DNAH9: variants seen among roughly 807,000 people sequenced by gnomAD.
The protein encoded by DNAH9 is DNAH9 variant protein.
Under a neutral mutation model 471.6 loss-of-function variants are expected in DNAH9, and 345 were observed. That is an observed-to-expected ratio of 0.73 (90% CI 0.67 to 0.80). The LOEUF is 0.80. DNAH9 is among the 30% of genes least tolerant of loss of function. The pLI, the probability that DNAH9 is intolerant of heterozygous loss-of-function variation, is 0.00. For synonymous variants in DNAH9, 2,093 were observed against 2,123.6 expected (o/e 0.99, Z 0.40); for missense variants, 5,407 against 5,609.2 (o/e 0.96, Z 1.15).
intron 62 of DNAH9, chr17:11,925,089 C>T: frequency 2.4e-6 from 1 of 423,982 alleles, no homozygotes; most frequent in Non-Finnish European, 4.7e-6. Context: ...ATTTTGAAAT[C>T]TTCTATTAGA....
At chr17:11,741,919 AGC>A (rs1219953898) in intron 29 of DNAH9, among the ~76,000 whole-genome samples, 37 of 152,202 alleles carry the variant, frequency 2.4e-4, no homozygotes, top group African/African-American at 8.7e-4. Context: ...AACATTATCC[AGC>A]CCCTTAAGAA....
intron 26 of DNAH9, among the ~76,000 whole-genome samples, chr17:11,714,845 G>T (rs1474791134): frequency 6.6e-6 from 1 of 152,062 alleles, no homozygotes; most frequent in African/African-American, 2.4e-5. Context: ...TGGCCAACAG[G>T]GACCTCAGAA....
chr17:11,799,641 C>T (rs1247747785), intron 43 of DNAH9, among the ~76,000 whole-genome samples: 1 of 152,130 alleles, frequency 6.6e-6, no homozygotes, highest in Non-Finnish European at 1.5e-5. Context: ...GGCTGAAGTG[C>T]AGTGGTGCGA....
chr17:11,808,119 C>G (rs1044229664), intron 44 of DNAH9, among the ~76,000 whole-genome samples: 1 of 152,208 alleles, frequency 6.6e-6, no homozygotes, highest in Admixed American at 6.5e-5. Context: ...CTCAGGCGTC[C>G]TAGTTACGTC....
chr17:11,883,214 A>G (rs1972783977), intron 55 of DNAH9: 2 of 1,001,618 alleles, frequency 2.0e-6, no homozygotes, highest in Non-Finnish European at 2.4e-6. Flanking sequence ...AATTGGTAAT[A>G]GAGAGAACTC....
In DNAH9 at chr17:11,598,529, G is replaced by A. The variant is rs2072306663; in HGVS notation, c.31G>A (p.Ala11Thr). The change falls in exon 1 of 69, where the codon GCG (alanine) becomes ACG (threonine). Residue 11 changes from alanine to threonine, a missense_variant. Physicochemically the swap from Ala to Thr is moderately conservative, Grantham distance 58. Coordinates refer to ENST00000262442, the MANE Select transcript of DNAH9 (RefSeq NM_001372.4). ...GCTCGCGGAGGAGCGGGCCGCGCTC[G>A]CGGCGGAGAACGCGGATGGGGAACC... MRLAEERAALAAENADGEPGA... is the reference protein window; with the variant it reads MRLAEERAALTAENADGEPGA... 7.4e-7 allele frequency: 1 copy of A among 1,344,820 alleles called. No individual in the cohort carries two copies. The highest frequency in any genetic ancestry group is 9.6e-7 in the Non-Finnish European group (1 of 1,039,874). 83.3% of individuals were successfully genotyped at this position (1,344,820 alleles called of 1,614,324 possible).
Position 11,859,145 on chromosome 17 carries a change from G to A in DNAH9, c.9933+4717G>A, listed in dbSNP as rs146041275. 8.7e-4 allele frequency among the ~76,000 whole-genome samples: 131 copies of A among 150,596 alleles called. 1 individual carries two copies. In the Middle Eastern group the frequency reaches 0.01, roughly 12 times the overall value. On this transcript the variant is annotated intron_variant, in intron 50 of 68. Coordinates refer to ENST00000262442, the MANE Select transcript of DNAH9 (RefSeq NM_001372.4). ...ACTGCAGTTACAGCCAGGCATGGTG[G>A]CTCACACCTGTAATCCCAACATTTT...
chr17:11,749,139 C>T (rs1967043918), intron 32 of DNAH9, among the ~76,000 whole-genome samples: 1 of 131,162 alleles, frequency 7.6e-6, no homozygotes, highest in Non-Finnish European at 1.6e-5. Flanking sequence ...GGCTGGAATG[C>T]AGTGGCACAA....
intron 8 of DNAH9, among the ~76,000 whole-genome samples, chr17:11,633,104 TAAG>T (rs1192000076): frequency 3.9e-5 from 6 of 152,104 alleles, no homozygotes; most frequent in Non-Finnish European, 5.9e-5. Flanking sequence ...ATAACTGGAA[TAAG>T]AAGATTTGTG....
At position 11,747,744 on chromosome 17, in the gene DNAH9, A is replaced by T; in HGVS notation, c.6588A>T (p.Pro2196=). 1 of 1,613,944 alleles carries T rather than the reference A, an allele frequency of 6.2e-7. No individual in the cohort carries two copies. The highest frequency in any genetic ancestry group is 1.1e-5 in the South Asian group (1 of 91,078). ...ATGAGCTCTTTGGCATCATCAATCC[A>T]GCCACAGGAGAATGGAAGGATGGTA... ...TNDELFGIIN[P]ATGEWKDGLF... The change falls in exon 32 of 69, where the codon CCA becomes CCT. Residue 2196 remains proline (P), a synonymous_variant. Transcript: ENST00000262442.
rs1185728402 is a variant in DNAH9 at position 11,784,318 on chromosome 17, G to A, written c.7840G>A (p.Val2614Ile). The A allele has an allele frequency of 6.2e-7, 1 of 1,614,114 alleles. No individual in the cohort carries two copies. Among genetic ancestry groups the A allele is most frequent in the Non-Finnish European group, 8.5e-7 (1 of 1,180,002 alleles). Residue 2614 changes from valine (V) to isoleucine (I), a missense_variant, in exon 41 of 69, where the codon GTC becomes ATC. Physicochemically the swap from Val to Ile is conservative, Grantham distance 29. Around this residue, in one of 3 missense-constraint regions of DNAH9, gnomAD observed 4,636 missense variants for 4,900.3 expected, o/e 0.95. Coordinates refer to ENST00000262442, the MANE Select transcript of DNAH9 (RefSeq NM_001372.4). ...PRLQRHFSVF[V>I]LSFPGADALS... ...TGTACAGCGTCACTTCAGCGTGTTT[G>A]TCCTCTCCTTCCCGGGGGCAGATGC...
Position 11,834,735 on chromosome 17 carries a change from C to T in DNAH9, c.9344C>T (p.Thr3115Ile). Residue 3115 changes from threonine (T) to isoleucine (I), a missense_variant, in exon 49 of 69, where the codon ACT becomes ATT. Physicochemically the swap from Thr to Ile is moderately conservative, Grantham distance 89. Around this residue, in one of 3 missense-constraint regions of DNAH9, gnomAD observed 4,636 missense variants for 4,900.3 expected, o/e 0.95. Coordinates refer to ENST00000262442, the MANE Select transcript of DNAH9 (RefSeq NM_001372.4). ...DKLIQVVGVE[T>I]DKVSREKAMA... Reference sequence around the variant, plus strand: ...CTGATTCAGGTCGTGGGTGTGGAGACTGACAAAGTGAGCAGAGAGAAAGCC... The same window carrying T: ...CTGATTCAGGTCGTGGGTGTGGAGATTGACAAAGTGAGCAGAGAGAAAGCC... The T allele has an allele frequency of 6.2e-7, 1 of 1,614,038 alleles. No individual in the cohort carries two copies. The highest frequency in any genetic ancestry group is 8.5e-7 in the Non-Finnish European group (1 of 1,179,990).
chr17:11,744,813 G>T lies in DNAH9; in HGVS notation c.6128G>T (p.Gly2043Val). ...TGCCCACAGGATCACTACGACTGGG[G>T]CCTACGGGCCATCAAGTCCGTGCTG... ...LLSKQDHYDW[G>V]LRAIKSVLVV... The change falls in exon 31 of 69, where the codon GGC becomes GTC. Residue 2043 changes from glycine (G) to valine (V), a missense_variant. Around this residue, in one of 3 missense-constraint regions of DNAH9, gnomAD observed 4,636 missense variants for 4,900.3 expected, o/e 0.95. Coordinates refer to ENST00000262442, the MANE Select transcript of DNAH9 (RefSeq NM_001372.4). The T allele has an allele frequency of 6.2e-7, 1 of 1,613,468 alleles. No homozygotes were observed. The highest frequency in any genetic ancestry group is 8.5e-7 in the Non-Finnish European group (1 of 1,179,546).
chr17:11,676,797 A>T (rs1667189764), intron 17 of DNAH9, among the ~76,000 whole-genome samples: 1 of 152,056 alleles, frequency 6.6e-6, no homozygotes, highest in Non-Finnish European at 1.5e-5. Context: ...TTGCATGCTA[A>T]CATTGAAAGT....
chr17:11,877,837 C>T (rs991071595), intron 53 of DNAH9, among the ~76,000 whole-genome samples: 4 of 152,134 alleles, frequency 2.6e-5, no homozygotes, highest in African/African-American at 9.7e-5. Flanking sequence ...TGGGTTGAAG[C>T]TATTCTCCTG....
intron 22 of DNAH9, among the ~76,000 whole-genome samples, chr17:11,698,240 T>TATTA (rs1165019475): frequency 1.7e-5 from 1 of 59,374 alleles, no homozygotes; most frequent in Non-Finnish European, 3.5e-5. Context: ...AGCAATATAT[T>TATTA]ATATAATATA....
At chr17:11,739,990 G>A (rs997245740) in intron 29 of DNAH9, among the ~76,000 whole-genome samples, 1 of 152,258 alleles carries the variant, frequency 6.6e-6, no homozygotes, top group South Asian at 2.1e-4. Flanking sequence ...ATAGGAGATC[G>A]CTGGGCAGCT....
intron 6 of DNAH9, among the ~76,000 whole-genome samples, chr17:11,628,773 C>G (rs931383702): frequency 6.6e-6 from 1 of 152,136 alleles, no homozygotes; most frequent in Non-Finnish European, 1.5e-5. Context: ...GATAAAGCTA[C>G]CAATTATATA....
Position 11,606,212 on chromosome 17 carries a change from T to C in DNAH9, c.418-1917T>C, listed in dbSNP as rs2072500011. On this transcript the variant is annotated intron_variant, in intron 1 of 68. Transcript: ENST00000262442. ...CAGGCAAAGACCATCCTCTAGAATC[T>C]AACATGCTGGGTCCAGGTATTCTAT... Among the ~76,000 whole-genome samples, 3 of 152,184 alleles carry C rather than the reference T, an allele frequency of 2.0e-5. 1 individual carries two copies. The South Asian group carries it at 6.2e-4, about 31-fold the overall frequency.
Sources: gnomAD v4.1 joint callset for allele counts (sites outside exome capture counted in the v4.1 genomes callset) on GRCh38, gnomAD v4.1.1 for gene constraint, gnomAD v4.1.1 regional missense constraint, MANE v1.5 for transcripts, NCBI Gene and HGNC (gene_info 2026-07-23, HGNC 2026-07-21) for gene names.